The following FAAH2 variants were observed in gnomAD, a reference collection of about 807,000 sequenced individuals.
FAAH2 encodes fatty-acid amide hydrolase 2.
A neutral mutation model predicts 36.9 loss-of-function variants in FAAH2; 60 were observed. That is an observed-to-expected ratio of 1.63 (90% confidence interval 1.32 to 2.02). The LOEUF is 2.02. Ranked by LOEUF, FAAH2 falls within the 30% of genes most tolerant of loss-of-function variation. FAAH2 has a pLI of 0.00. For synonymous variants in FAAH2, 214 were observed against 143.8 expected, an observed-to-expected ratio of 1.49 and a Z score of -3.49; for missense variants, 689 against 397.5, an observed-to-expected ratio of 1.73 and a Z score of -6.23.
chrX:57,241,904 G>A, the FAAH2 span, among the ~76,000 whole-genome samples: 7 of 110,932 alleles, frequency 6.3e-5, no homozygotes, highest in South Asian at 2.3e-3. Context: ...CTCCCCACTG[G>A]GCAGGGCATC....
intron 7 of FAAH2, among the ~76,000 whole-genome samples, chrX:57,422,110 C>T (rs951235820): frequency 1.8e-5 from 2 of 111,418 alleles, no homozygotes; most frequent in African/African-American, 6.5e-5. Context: ...GTCAATAGCT[C>T]TCTACCAGAT....
intron 10 of FAAH2, among the ~76,000 whole-genome samples, chrX:57,484,511 G>C (rs1340860405): frequency 2.7e-5 from 3 of 111,864 alleles, no homozygotes; most frequent in African/African-American, 9.7e-5. Context: ...TCAGATGCAC[G>C]TTGTTGTCTC....
intron 8 of FAAH2, among the ~76,000 whole-genome samples, chrX:57,436,822 G>A (rs941323171): frequency 1.8e-5 from 2 of 110,752 alleles, no homozygotes; most frequent in African/African-American, 3.3e-5. Context: ...AGAATAAACA[G>A]TTCTTTTGAA....
At chrX:57,389,076 T>C (rs991855795) in intron 7 of FAAH2, among the ~76,000 whole-genome samples, 1 of 107,939 alleles carries the variant, frequency 9.3e-6, no homozygotes, top group Non-Finnish European at 1.9e-5. Flanking sequence ...ATGTGCACCT[T>C]TTCCATAGAC....
At chrX:57,485,883 T>A (rs1408611525) in intron 10 of FAAH2, among the ~76,000 whole-genome samples, 2 of 111,980 alleles carry the variant, frequency 1.8e-5, no homozygotes, top group African/African-American at 3.2e-5. Flanking sequence ...GCAATGATAA[T>A]CTTTCAGTAT....
the FAAH2 span, among the ~76,000 whole-genome samples, chrX:57,201,671 T>C: frequency 9.0e-6 from 1 of 111,442 alleles, no homozygotes; most frequent in Non-Finnish European, 1.9e-5. Flanking sequence ...TTCTTGGATA[T>C]TGACATTTTT....
the FAAH2 span, among the ~76,000 whole-genome samples, chrX:57,186,548 C>A: frequency 2.7e-5 from 3 of 112,040 alleles, no homozygotes; most frequent in Non-Finnish European, 5.6e-5. Context: ...TTTTGCTGAG[C>A]AGAAACTCTT....
At chrX:57,213,190 T>C in the FAAH2 span, among the ~76,000 whole-genome samples, 5 of 111,662 alleles carry the variant, frequency 4.5e-5, no homozygotes, top group Admixed American at 4.8e-4. Context: ...CCTTTTAAAC[T>C]CGTGATTGTT....
At chrX:57,224,555 G>T in the FAAH2 span, among the ~76,000 whole-genome samples, 1 of 111,244 alleles carries the variant, frequency 9.0e-6, no homozygotes, top group African/African-American at 3.3e-5. Context: ...CACCAGCAGC[G>T]TGCGCCGGCA....
At chrX:57,341,139 A>G (rs1041706156) in intron 4 of FAAH2, 132 bp from the exon 5 acceptor site, 1 of 554,757 alleles carries the variant, frequency 1.8e-6, no homozygotes, top group African/African-American at 2.3e-5. Context: ...TGATCTAAAT[A>G]TATGCTGTGA....
At chrX:57,171,622 T>A in the FAAH2 span, among the ~76,000 whole-genome samples, 1 of 111,816 alleles carries the variant, frequency 8.9e-6, no homozygotes, top group Non-Finnish European at 1.9e-5. Context: ...GTTTTTTTAT[T>A]GCTGATTTGT....
At chrX:57,290,463 C>A (rs781181101) in intron 1 of FAAH2, among the ~76,000 whole-genome samples, 26 of 111,032 alleles carry the variant, frequency 2.3e-4, no homozygotes, top group Non-Finnish European at 4.5e-4. Context: ...TAGAGTTAAC[C>A]CAAAAGAAAA....
the FAAH2 span, among the ~76,000 whole-genome samples, chrX:57,195,945 G>C: frequency 1.8e-5 from 2 of 111,719 alleles, no homozygotes; most frequent in East Asian, 5.7e-4. Context: ...CTCTCTTCTG[G>C]TCCATTGGTC....
At chrX:57,160,106 T>C in the FAAH2 span, among the ~76,000 whole-genome samples, 1 of 111,919 alleles carries the variant, frequency 8.9e-6, no homozygotes, top group East Asian at 2.8e-4. Context: ...CATGTGGTTT[T>C]TGTCGTTGGT....
At chrX:57,395,122 A>G in intron 7 of FAAH2, 1 of 540,681 alleles carries the variant, frequency 1.8e-6, no homozygotes, top group Middle Eastern at 3.3e-4. Context: ...CTGCACTACG[A>G]ACCCGTGTAC....
At chrX:57,271,405 C>G in the FAAH2 span, among the ~76,000 whole-genome samples, 2 of 112,163 alleles carry the variant, frequency 1.8e-5, no homozygotes, top group Non-Finnish European at 3.8e-5. Flanking sequence ...GCACAGTGTT[C>G]GTGCTTTGCT....
chrX:57,316,185 A>G (rs1287762699), intron 3 of FAAH2, among the ~76,000 whole-genome samples: 1 of 111,480 alleles, frequency 9.0e-6, no homozygotes, highest in African/African-American at 3.3e-5. Flanking sequence ...GAGGTGAAAG[A>G]TCTCTACGAG....
the FAAH2 span, chrX:57,137,279 T>C: frequency 1.6e-5 from 12 of 759,730 alleles, no homozygotes; most frequent in East Asian, 1.5e-4. Context: ...GCCTCTGCTG[T>C]GAGCCTGTGG....
At position 57,292,558 on chromosome X, in the gene FAAH2, A is replaced by G. The variant is rs762458246; in HGVS notation, c.253A>G (p.Ile85Val). 2.9e-5 allele frequency: 35 copies of G among 1,207,785 alleles called. 1 individual carries two copies. In the South Asian group the frequency reaches 4.6e-4, roughly 16 times the overall value. Residue 85 changes from isoleucine to valine, a missense_variant, in exon 2 of 11, where the codon ATC becomes GTC. Ile to Val is a conservative substitution (Grantham distance 29). Coordinates refer to ENST00000374900, the MANE Select transcript of FAAH2 (RefSeq NM_174912.4). ...INRIKDVNPMINGIVKYRFEE... is the reference protein window; with the variant it reads ...INRIKDVNPMVNGIVKYRFEE... ...CAGAATCAAGGACGTGAACCCAATGATCAATGGAATTGTCAAGTACAGGTG... is the reference window on the plus strand; with the variant it reads ...CAGAATCAAGGACGTGAACCCAATGGTCAATGGAATTGTCAAGTACAGGTG...
Sources: allele counts gnomAD v4.1 joint callset (sites outside exome capture counted in the v4.1 genomes callset), GRCh38; gene constraint gnomAD v4.1.1; transcripts MANE v1.5; gene names NCBI Gene and HGNC (gene_info 2026-07-23, HGNC 2026-07-21).